Variants in FAM114A2 observed in about 807,000 individuals in gnomAD.
FAM114A2 encodes the protein family with sequence similarity 114 member A2, also known as protein FAM114A2.
Under a neutral mutation model 58.4 loss-of-function variants are expected in FAM114A2, and 53 were observed. That is an observed-to-expected ratio of 0.91 (90% CI 0.73 to 1.14). The LOEUF is 1.14. Among genes scored for constraint, FAM114A2 ranks in the 50% most tolerant of loss-of-function variants. The pLI is 0.00. For missense variants in FAM114A2, 601 were observed against 581.1 expected, an observed-to-expected ratio of 1.03 and a Z score of -0.35; for synonymous variants, 228 against 211.4, an observed-to-expected ratio of 1.08 and a Z score of -0.68.
chr5:153,996,991 TAA>T (rs57110256), intron 12 of FAM114A2, among the ~76,000 whole-genome samples: 26,914 of 121,238 alleles, frequency 0.22, 2,792 homozygotes, highest in African/African-American at 0.26. Context: ...GAGCAAAACT[TAA>T]AAAAAAAAAA....
intron 9 of FAM114A2, among the ~76,000 whole-genome samples, chr5:154,005,897 T>A (rs1398537371): frequency 6.6e-6 from 1 of 152,218 alleles, no homozygotes; most frequent in Non-Finnish European, 1.5e-5. Flanking sequence ...CATACAGTAC[T>A]GGAGTTAGGC....
chr5:153,994,755 G>A (rs1480655538), intron 13 of FAM114A2, 164 bp downstream of exon 13: 7 of 562,830 alleles, frequency 1.2e-5, no homozygotes, highest in Non-Finnish European at 2.2e-5. Context: ...TAATTAATAA[G>A]GAAGGAATAC....
intron 11 of FAM114A2, among the ~76,000 whole-genome samples, chr5:153,998,145 T>C (rs1769711997): frequency 6.6e-6 from 1 of 152,140 alleles, no homozygotes; most frequent in Non-Finnish European, 1.5e-5. Context: ...TCATCTTGAG[T>C]AGTGTGATGA....
intron 12 of FAM114A2, among the ~76,000 whole-genome samples, chr5:153,996,346 T>C (rs1581757694): frequency 6.6e-6 from 1 of 152,080 alleles, no homozygotes; most frequent in Non-Finnish European, 1.5e-5. Context: ...GATATCCATA[T>C]GCAAAAGCAT....
intron 11 of FAM114A2, 148 bp from the exon 12 acceptor site, chr5:153,998,023 C>T: frequency 2.0e-6 from 1 of 498,360 alleles, no homozygotes; most frequent in East Asian, 3.3e-5. Flanking sequence ...GTATCCCCCC[C>T]TTATCTGTGG....
intron 12 of FAM114A2, among the ~76,000 whole-genome samples, chr5:153,997,274 G>C (rs1769631846): frequency 6.6e-6 from 1 of 151,988 alleles, no homozygotes; most frequent in Non-Finnish European, 1.5e-5. Context: ...AAGAGAAATG[G>C]AAACATATTC....
At position 154,002,375 on chromosome 5, in the gene FAM114A2, CA is replaced by C. The variant is rs766334340; in HGVS notation, c.1131del (p.Phe377LeufsTer9). Reference sequence around the variant, plus strand: ...GTCAGTTCAGCCAGGCTCCGGATTGCAAACGCATGGATATCCTGGATGGAAA... The same window carrying C: ...GTCAGTTCAGCCAGGCTCCGGATTGCAACGCATGGATATCCTGGATGGAAA... ...NKNSIEDIHA[F>X]AIRSLAELTA... On this transcript the variant is annotated frameshift_variant, in exon 11 of 14. Transcript: ENST00000351797. LOFTEE classifies it high-confidence loss of function. 7 of 1,613,804 alleles carry C rather than the reference CA, an allele frequency of 4.3e-6. No homozygotes were observed. In the South Asian group the frequency reaches 7.7e-5, roughly 18 times the overall value.
chr5:154,032,669 G>A (rs1321979707), intron 4 of FAM114A2, among the ~76,000 whole-genome samples: 1 of 152,164 alleles, frequency 6.6e-6, no homozygotes, highest in Admixed American at 6.5e-5. Context: ...GATGCATGAG[G>A]AAAAATGACA....
chr5:154,028,811 T>A (rs1200179561), intron 5 of FAM114A2, among the ~76,000 whole-genome samples: 1 of 152,124 alleles, frequency 6.6e-6, no homozygotes, highest in Non-Finnish European at 1.5e-5. Flanking sequence ...AATTAACCTA[T>A]GATGGTGGAA....
chr5:154,033,865 A>G lies in FAM114A2; in HGVS notation c.329T>C (p.Val110Ala). 1 of 1,609,314 alleles carries G rather than the reference A, an allele frequency of 6.2e-7. No homozygotes were observed. The change falls in exon 4 of 14, where the codon GTC becomes GCC. Residue 110 changes from valine to alanine, a missense_variant. Val to Ala is a moderately conservative substitution (Grantham distance 64, BLOSUM62 0). Coordinates refer to ENST00000351797, the MANE Select transcript of FAM114A2 (RefSeq NM_018691.4). ...AAGGGAAGTCTCTGCCTTCTCGATG[A>G]CATTTGAAATGCCTTGTCCTAATGA... ...VATVGQGISN[V>A]IEKAETSLGI...
chr5:154,017,410 C>A (rs1771110549), intron 8 of FAM114A2, among the ~76,000 whole-genome samples: 1 of 152,054 alleles, frequency 6.6e-6, no homozygotes. Flanking sequence ...CCATTGCACT[C>A]CAGCCTGGGC....
rs957884719 is a variant in FAM114A2 at position 154,033,832 on chromosome 5, G to C, written c.362C>G (p.Pro121Arg). 6.2e-6 allele frequency: 10 copies of C among 1,609,374 alleles called. No homozygotes were observed. Among genetic ancestry groups the C allele is most frequent in the Non-Finnish European group, 7.7e-6 (9 of 1,175,928 alleles). Residue 121 changes from proline (P) to arginine (R), a missense_variant, in exon 4 of 14, where the codon CCT becomes CGT. Physicochemically the swap from Pro to Arg is moderately radical, Grantham distance 103. Coordinates refer to ENST00000351797, the MANE Select transcript of FAM114A2 (RefSeq NM_018691.4). ...IEKAETSLGI[P>R]GPSEISTEVK... ...TTCAGTTGAAATTTCACTGGGACCA[G>C]GGATTCCAAGGGAAGTCTCTGCCTT...
chr5:153,999,254 C>T (rs1284664816), intron 11 of FAM114A2, among the ~76,000 whole-genome samples: 1 of 152,142 alleles, frequency 6.6e-6, no homozygotes, highest in Non-Finnish European at 1.5e-5. Context: ...TGCTCAACAT[C>T]ACTGATGTAT....
chr5:154,011,367 G>T, intron 8 of FAM114A2, 47 bp from the exon 9 acceptor site: 2 of 1,342,138 alleles, frequency 1.5e-6, no homozygotes, highest in East Asian at 2.3e-5. Context: ...GACTGCTGAG[G>T]ATCATGAGGT....
chr5:154,002,500 C>T, intron 10 of FAM114A2, 110 bp from the exon 11 acceptor site: 1 of 1,162,038 alleles, frequency 8.6e-7, no homozygotes, highest in East Asian at 2.7e-5. Context: ...TAGTTGCCTT[C>T]CAATAAAGAG....
chr5:154,030,724 G>A (rs1338887435), intron 4 of FAM114A2, among the ~76,000 whole-genome samples: 6 of 152,180 alleles, frequency 3.9e-5, no homozygotes, highest in Middle Eastern at 3.2e-3. Flanking sequence ...CTAAGAATCC[G>A]CATAGGCATG....
intron 9 of FAM114A2, among the ~76,000 whole-genome samples, chr5:154,005,622 T>C (rs1770301414): frequency 6.6e-6 from 1 of 152,236 alleles, no homozygotes; most frequent in Non-Finnish European, 1.5e-5. Flanking sequence ...GAGCCATGCC[T>C]GAAGCCAGTT....
intron 8 of FAM114A2, among the ~76,000 whole-genome samples, chr5:154,024,299 A>C (rs1771636670): frequency 6.6e-6 from 1 of 152,168 alleles, no homozygotes; most frequent in African/African-American, 2.4e-5. Context: ...TACATATAAA[A>C]AGTTATAAAT....
chr5:154,031,489 T>C (rs569248772), intron 4 of FAM114A2, among the ~76,000 whole-genome samples: 2 of 152,190 alleles, frequency 1.3e-5, no homozygotes, highest in East Asian at 1.9e-4. Context: ...AAAATATACA[T>C]GTTGACTACA....
Sources: gnomAD v4.1 joint callset for allele counts (sites outside exome capture counted in the v4.1 genomes callset) on GRCh38, gnomAD v4.1.1 for gene constraint, MANE v1.5 for transcripts, NCBI Gene and HGNC (gene_info 2026-07-23, HGNC 2026-07-21) for gene names.